Variants in PAN3 observed in about 807,000 individuals in gnomAD.
The protein encoded by PAN3 is PAN2-PAN3 deadenylation complex subunit PAN3.
PAN3 carries 19 observed loss-of-function variants against 96.2 expected under a neutral mutation model. That is an observed-to-expected ratio of 0.20 (90% CI 0.14 to 0.29). The LOEUF is 0.29. Ranked by LOEUF, PAN3 falls within the 10% of genes least tolerant of loss-of-function variation. PAN3 has a pLI of 1.00. For missense variants in PAN3, 882 were observed against 1,108.1 expected, an observed-to-expected ratio of 0.80 and a Z score of 2.90; for synonymous variants, 433 against 406.6, an observed-to-expected ratio of 1.06 and a Z score of -0.78.
intron 9 of PAN3, among the ~76,000 whole-genome samples, chr13:28,264,842 ATATTT>A (rs1886027363): frequency 6.6e-6 from 1 of 152,202 alleles, no homozygotes; most frequent in African/African-American, 2.4e-5. Flanking sequence ...CCAGCAAACT[ATATTT>A]TAACAAGGCT....
At chr13:28,179,022 C>T (rs1468893057) in intron 4 of PAN3, among the ~76,000 whole-genome samples, 7 of 152,010 alleles carry the variant, frequency 4.6e-5, no homozygotes, top group African/African-American at 1.4e-4. Flanking sequence ...ATGTTAAAAC[C>T]TCATGTACCT....
In PAN3 at chr13:28,189,877, C is replaced by G. The variant is rs1030802755; in HGVS notation, c.691-7308C>G. On this transcript the variant is annotated intron_variant, in intron 4 of 18. Transcript: ENST00000380958. ...TCACTATTGTTTGAGAAGTGCTACT[C>G]TAGAATATATTTTCAAACCTTTTCT... 2.6e-5 allele frequency among the ~76,000 whole-genome samples: 4 copies of G among 152,304 alleles called. No homozygotes were observed. The South Asian group carries it at 6.2e-4, about 24-fold the overall frequency.
chr13:28,145,191 A>G (rs1326426391), intron 1 of PAN3, among the ~76,000 whole-genome samples: 1 of 152,114 alleles, frequency 6.6e-6, no homozygotes, highest in Non-Finnish European at 1.5e-5. Context: ...GTACAGTATC[A>G]TGGCCAGTAT....
intron 4 of PAN3, among the ~76,000 whole-genome samples, chr13:28,186,122 A>G (rs1876433451): frequency 6.6e-6 from 1 of 152,204 alleles, no homozygotes; most frequent in Non-Finnish European, 1.5e-5. Flanking sequence ...TTTAAATTCT[A>G]GTTATTTGAA....
At chr13:28,139,255 C>T (rs958129184) in intron 1 of PAN3, among the ~76,000 whole-genome samples, 168 bp downstream of exon 1, 2 of 151,298 alleles carry the variant, frequency 1.3e-5, no homozygotes, top group Non-Finnish European at 2.9e-5. Context: ...CTTCTTCCTG[C>T]TTCCCCTCCC....
rs1869204101 is a variant in PAN3 at position 28,139,032 on chromosome 13, A to T, written c.375A>T (p.Gly125=). ...KKPDLGDPGT[G]AAAGGGGSSG... is the part of the protein sequence containing the mutation. ...CGGACCTGGGGGACCCGGGGACCGGAGCCGCAGCCGGCGGAGGAGGCAGTA... is the reference window on the plus strand; with the variant it reads ...CGGACCTGGGGGACCCGGGGACCGGTGCCGCAGCCGGCGGAGGAGGCAGTA... The change falls in exon 1 of 19, where the codon GGA becomes GGT. Residue 125 remains glycine, a synonymous_variant. Coordinates refer to ENST00000380958, the MANE Select transcript of PAN3 (RefSeq NM_175854.8). 3.9e-6 allele frequency: 5 copies of T among 1,272,060 alleles called. No individual in the cohort carries two copies. In the South Asian group the frequency reaches 1.0e-4, roughly 26 times the overall value. 78.8% of individuals were successfully genotyped at this position (1,272,060 alleles called of 1,614,324 possible).
intron 1 of PAN3, among the ~76,000 whole-genome samples, chr13:28,173,287 T>G (rs568068184): frequency 6.6e-6 from 1 of 152,334 alleles, no homozygotes; most frequent in East Asian, 1.9e-4. Flanking sequence ...AATAGTTCTT[T>G]TTTTTCCCAT....
chr13:28,289,529 C>T (rs989418566), intron 18 of PAN3, among the ~76,000 whole-genome samples: 3 of 152,166 alleles, frequency 2.0e-5, no homozygotes, highest in Non-Finnish European at 2.9e-5. Context: ...CCACCCACCC[C>T]CAAAGTGTTG....
In PAN3 at chr13:28,265,891, G is replaced by A. The variant is rs1210121046; in HGVS notation, c.1412-824G>A. On this transcript the variant is annotated intron_variant, in intron 9 of 18. Transcript: ENST00000380958. ...TGGGACTACAGGCGCCCGCCACCGC[G>A]CCCGGCTAATTTTTTTTGTATTTTT... Among the ~76,000 whole-genome samples, 2 of 23,362 alleles carry A rather than the reference G, an allele frequency of 8.6e-5. 1 individual carries two copies. Among genetic ancestry groups the A allele is most frequent in the Non-Finnish European group, 1.3e-4 (2 of 15,338 alleles). The allele number at this position is 23,362 out of a possible 152,430, so 15.3% of individuals were successfully genotyped here.
intron 17 of PAN3, 138 bp from the exon 18 acceptor site, chr13:28,287,846 T>A (rs1869184743): frequency 1.3e-5 from 9 of 691,916 alleles, no homozygotes; most frequent in South Asian, 3.3e-5. Flanking sequence ...GATTATTTTT[T>A]AAAAACACTG....
chr13:28,284,010 AC>A (rs1868639346), intron 17 of PAN3, among the ~76,000 whole-genome samples: 1 of 152,190 alleles, frequency 6.6e-6, no homozygotes, highest in Admixed American at 6.5e-5. Context: ...GTAGGGACTA[AC>A]TTGTGCATAC....
chr13:28,140,582 A>G (rs560340083), intron 1 of PAN3, among the ~76,000 whole-genome samples: 2 of 152,148 alleles, frequency 1.3e-5, no homozygotes, highest in South Asian at 2.1e-4. Context: ...GGATCTTCCT[A>G]TGTTGCCCAA....
rs71086844 is a variant in PAN3 at position 28,293,387 on chromosome 13, G to GTTTTTTTTTTTTTT, written c.*881_*894dup. The stretch of plus-strand genomic sequence containing the variant: ...ACTTTAGGTTCTTTCCAGTTTGCTG[G>GTTTTTTTTTTTTTT]TTTTTTTTTTTTTTTTTTTTTTTTT... On this transcript the variant is annotated 3_prime_UTR_variant, in exon 19 of 19. Coordinates refer to ENST00000380958, the MANE Select transcript of PAN3 (RefSeq NM_175854.8). The GTTTTTTTTTTTTTT allele has an allele frequency of 8.0e-4, 17 of 21,364 alleles. 3 individuals carry two copies. Among genetic ancestry groups the GTTTTTTTTTTTTTT allele is most frequent in the African/African-American group, 2.8e-3 (14 of 4,976 alleles). The allele number at this position is 21,364 out of a possible 1,614,324, so 1.3% of individuals were successfully genotyped here.
At chr13:28,161,224 T>A (rs1872844576) in intron 1 of PAN3, among the ~76,000 whole-genome samples, 1 of 152,160 alleles carries the variant, frequency 6.6e-6, no homozygotes, top group African/African-American at 2.4e-5. Context: ...ACAACAGAAA[T>A]TTATTGTCTC....
chr13:28,281,766 C>CTTTTTTTTTT (rs10707261), intron 17 of PAN3, among the ~76,000 whole-genome samples: 3 of 114,958 alleles, frequency 2.6e-5, no homozygotes, highest in African/African-American at 3.3e-5. Flanking sequence ...TTAAAGCACA[C>CTTTTTTTTTT]TTTTTTTTTT....
chr13:28,144,928 C>T (rs1484885873), intron 1 of PAN3, among the ~76,000 whole-genome samples: 2 of 151,560 alleles, frequency 1.3e-5, no homozygotes, highest in South Asian at 4.2e-4. Flanking sequence ...CCATCTTGGC[C>T]AGGCTGGTCT....
At chr13:28,199,567 T>C (rs45488802) in intron 5 of PAN3, among the ~76,000 whole-genome samples, 1 of 152,258 alleles carries the variant, frequency 6.6e-6, no homozygotes, top group Non-Finnish European at 1.5e-5. Flanking sequence ...CAGGCACATG[T>C]TGAAGTACTG....
intron 9 of PAN3, among the ~76,000 whole-genome samples, chr13:28,264,094 G>C (rs955818527): frequency 1.3e-5 from 2 of 151,920 alleles, no homozygotes; most frequent in Non-Finnish European, 2.9e-5. Flanking sequence ...TCTTCTGTAG[G>C]AAATATTTTT....
intron 4 of PAN3, among the ~76,000 whole-genome samples, chr13:28,187,729 AT>A (rs1566169511): frequency 1.3e-5 from 2 of 151,928 alleles, no homozygotes; most frequent in Non-Finnish European, 1.5e-5. Flanking sequence ...TTTTTTACGT[AT>A]TTTTGTTTTT....
Sources: allele counts gnomAD v4.1 joint callset (sites outside exome capture counted in the v4.1 genomes callset), GRCh38; gene constraint gnomAD v4.1.1; transcripts MANE v1.5; gene names NCBI Gene and HGNC (gene_info 2026-07-23, HGNC 2026-07-21).